Variants in NAV3 observed in about 807,000 individuals in gnomAD.
NAV3 encodes the protein pore membrane and/or filament interacting like protein 1.
A neutral mutation model predicts 244.7 loss-of-function variants in NAV3; 87 were observed. The ratio of observed to expected loss-of-function variants is 0.36; its 90% confidence interval spans 0.30 to 0.42. The LOEUF is 0.42. Ranked by LOEUF, NAV3 falls within the 20% of genes least tolerant of loss-of-function variation. The pLI, the probability that NAV3 is intolerant of heterozygous loss-of-function variation, is 1.00. For synonymous variants in NAV3, 1,126 were observed against 1,042.2 expected, an observed-to-expected ratio of 1.08 and a Z score of -1.55; for missense variants, 2,663 against 2,893.3, an observed-to-expected ratio of 0.92 and a Z score of 1.83.
intron 2 of NAV3, among the ~76,000 whole-genome samples, chr12:77,721,744 A>G (rs1011465899): frequency 6.6e-6 from 1 of 152,160 alleles, no homozygotes; most frequent in East Asian, 1.9e-4. Flanking sequence ...AAAGTACTCT[A>G]TGGGAATGTA....
intron 12 of NAV3, among the ~76,000 whole-genome samples, chr12:78,063,169 T>A (rs1426834410): frequency 6.6e-6 from 1 of 152,152 alleles, no homozygotes; most frequent in Non-Finnish European, 1.5e-5. Flanking sequence ...TGTAGTATAT[T>A]TTAAATATTT....
chr12:77,749,570 A>C (rs2135794025), intron 2 of NAV3, among the ~76,000 whole-genome samples: 1 of 152,288 alleles, frequency 6.6e-6, no homozygotes, highest in East Asian at 1.9e-4. Context: ...GATAGTGAAG[A>C]TATAGCTTGA....
intron 11 of NAV3, among the ~76,000 whole-genome samples, chr12:78,058,151 CAT>C (rs368271081): frequency 8.4e-4 from 128 of 152,228 alleles, no homozygotes; most frequent in African/African-American, 2.7e-3. Context: ...AATATAAAAA[CAT>C]AGAATTCTAG....
chr12:78,005,847 G>A, intron 7 of NAV3, among the ~76,000 whole-genome samples: 1 of 152,082 alleles, frequency 6.6e-6, no homozygotes, highest in East Asian at 1.9e-4. Flanking sequence ...ATGTCAGTTA[G>A]CATAATTATA....
At chr12:78,106,124 A>G (rs767828601) in intron 12 of NAV3, among the ~76,000 whole-genome samples, 1 of 151,872 alleles carries the variant, frequency 6.6e-6, no homozygotes, top group Non-Finnish European at 1.5e-5. Context: ...AGATTAGCAA[A>G]GAAAAAGTAT....
At chr12:78,178,962 C>T (rs1958379814) in intron 28 of NAV3, among the ~76,000 whole-genome samples, 1 of 152,022 alleles carries the variant, frequency 6.6e-6, no homozygotes, top group Admixed American at 6.6e-5. Flanking sequence ...ATCAGCTGAG[C>T]CCAGTAGGGA....
chr12:77,816,603 C>T (rs1306997669), intron 2 of NAV3, among the ~76,000 whole-genome samples: 3 of 152,156 alleles, frequency 2.0e-5, no homozygotes, highest in Admixed American at 6.6e-5. Context: ...GTGAACTCCA[C>T]ATGTGCTCGG....
intron 32 of NAV3, 91 bp downstream of exon 32, chr12:78,188,434 TTTCCTC>T: frequency 8.1e-7 from 1 of 1,228,674 alleles, no homozygotes; most frequent in Non-Finnish European, 1.2e-6. Flanking sequence ...CACATCTTCT[TTTCCTC>T]TCCTCAAATA....
intron 5 of NAV3, among the ~76,000 whole-genome samples, chr12:77,975,062 T>G (rs1337091755): frequency 6.6e-6 from 1 of 152,182 alleles, no homozygotes; most frequent in Non-Finnish European, 1.5e-5. Context: ...AGTAATAATA[T>G]TTCCAATAAA....
intron 2 of NAV3, among the ~76,000 whole-genome samples, chr12:77,660,115 TAAAA>T (rs575126196): frequency 6.8e-6 from 1 of 147,324 alleles, no homozygotes; most frequent in African/African-American, 2.5e-5. Context: ...ATCATAATAA[TAAAA>T]AAAAAAGAAT....
At chr12:78,020,479 A>C (rs1876963917) in intron 8 of NAV3, among the ~76,000 whole-genome samples, 1 of 152,156 alleles carries the variant, frequency 6.6e-6, no homozygotes, top group African/African-American at 2.4e-5. Flanking sequence ...GTCTGTCAGA[A>C]ATTATTGGAG....
Position 77,831,643 on chromosome 12 carries a change from C to A in NAV3, c.182C>A (p.Thr61Asn), listed in dbSNP as rs369769949. The A allele has an allele frequency of 1.9e-5, 31 of 1,613,816 alleles. No homozygotes were observed. The highest frequency in any genetic ancestry group is 2.5e-5 in the Non-Finnish European group (30 of 1,179,932). ...MLSCQLALKSTCEFGEKKPLQ... is the reference protein window; with the variant it reads ...MLSCQLALKSNCEFGEKKPLQ... ...TCTTGTCAGCTTGCGTTAAAATCAACCTGTGAATTTGGAGAGAAGAAACCC... is the reference window on the plus strand; with the variant it reads ...TCTTGTCAGCTTGCGTTAAAATCAAACTGTGAATTTGGAGAGAAGAAACCC... Residue 61 changes from threonine (T) to asparagine (N), a missense_variant, in exon 1 of 40, where the codon ACC becomes AAC. By Grantham distance (65) the Thr-to-Asn change is moderately conservative (BLOSUM62 0). Coordinates refer to ENST00000397909, the MANE Select transcript of NAV3 (RefSeq NM_001024383.2).
At chr12:77,961,051 T>C in intron 3 of NAV3, among the ~76,000 whole-genome samples, 1 of 132,198 alleles carries the variant, frequency 7.6e-6, no homozygotes, top group African/African-American at 2.8e-5. Flanking sequence ...TATATATGTA[T>C]ATGTTGCATG....
At chr12:77,899,384 C>T (rs2136889877) in intron 1 of NAV3, among the ~76,000 whole-genome samples, 1 of 152,290 alleles carries the variant, frequency 6.6e-6, no homozygotes, top group East Asian at 1.9e-4. Context: ...TTGCCACAGT[C>T]ACCCCAATTT....
chr12:78,182,759 A>G (rs907873529), intron 30 of NAV3, among the ~76,000 whole-genome samples: 2 of 151,880 alleles, frequency 1.3e-5, no homozygotes. Flanking sequence ...TATTTTTAAT[A>G]TATCTTATTT....
intron 5 of NAV3, among the ~76,000 whole-genome samples, chr12:77,985,069 G>T (rs886906902): frequency 3.9e-5 from 6 of 152,116 alleles, no homozygotes; most frequent in African/African-American, 1.4e-4. Context: ...AGCCACCTAG[G>T]CCTCCCAAAG....
At chr12:77,706,184 C>T (rs1262372008) in intron 2 of NAV3, among the ~76,000 whole-genome samples, 1 of 151,330 alleles carries the variant, frequency 6.6e-6, no homozygotes, top group Non-Finnish European at 1.5e-5. Flanking sequence ...TTCAGGTATA[C>T]TTATCACCAT....
At chr12:77,801,285 A>G (rs1180684474) in intron 2 of NAV3, among the ~76,000 whole-genome samples, 1 of 152,162 alleles carries the variant, frequency 6.6e-6, no homozygotes, top group African/African-American at 2.4e-5. Context: ...TAGATTAAAT[A>G]TACTGTCTTT....
chr12:77,574,464 A>C (rs1438644222), intron 2 of NAV3, among the ~76,000 whole-genome samples: 1 of 152,168 alleles, frequency 6.6e-6, no homozygotes, highest in Non-Finnish European at 1.5e-5. Flanking sequence ...GCCACCAAGT[A>C]ATCGCTAATA....
Sources: allele counts gnomAD v4.1 joint callset (sites outside exome capture counted in the v4.1 genomes callset), GRCh38; gene constraint gnomAD v4.1.1; transcripts MANE v1.5; gene names NCBI Gene and HGNC (gene_info 2026-07-23, HGNC 2026-07-21).